USP49: variants seen among roughly 807,000 people sequenced by gnomAD.
The protein encoded by USP49 is ubiquitin specific peptidase 49.
In USP49, 24 loss-of-function variants were observed where a neutral mutation model predicts 58.6. The ratio of observed to expected loss-of-function variants is 0.41; its 90% CI spans 0.30 to 0.58. The LOEUF is 0.58. Among genes scored for constraint, USP49 ranks in the 20% least tolerant of loss-of-function variants. USP49 has a pLI of 0.30. For missense variants in USP49, 703 were observed against 866.1 expected (o/e 0.81, Z 2.36); for synonymous variants, 408 against 365.1 (o/e 1.12, Z -1.34).
chr6:41,886,634 C>A (rs376671322), intron 2 of USP49: 1 of 152,248 alleles, frequency 6.6e-6, no homozygotes, highest in African/African-American at 2.4e-5. Flanking sequence ...TGGTGGCTCA[C>A]GCCTGTAATC....
At chr6:41,892,603 AAG>A (rs1177713204) in intron 1 of USP49, among the ~76,000 whole-genome samples, 1 of 152,224 alleles carries the variant, frequency 6.6e-6, no homozygotes, top group Non-Finnish European at 1.5e-5. Flanking sequence ...TGAATGCAGA[AAG>A]AGTTTTCTAA....
At chr6:41,829,371 A>G (rs1382307434) in intron 3 of USP49, among the ~76,000 whole-genome samples, 8 of 151,504 alleles carry the variant, frequency 5.3e-5, no homozygotes, top group African/African-American at 1.9e-4. Context: ...CTGGAGTGCA[A>G]TGGCACGATC....
intron 7 of USP49, chr6:41,797,556 G>T: frequency 2.2e-6 from 2 of 905,646 alleles, no homozygotes; most frequent in Non-Finnish European, 2.6e-6. Flanking sequence ...CACTCTGGAG[G>T]ATGAGGACCT....
intron 1 of USP49, among the ~76,000 whole-genome samples, chr6:41,893,476 AGTGC>A (rs1172333555): frequency 1.3e-5 from 2 of 152,220 alleles, no homozygotes; most frequent in African/African-American, 4.8e-5. Context: ...TCCCAACAAC[AGTGC>A]GTTCTCCATT....
At chr6:41,815,416 G>A (rs187996204) in intron 3 of USP49, among the ~76,000 whole-genome samples, 9 of 150,218 alleles carry the variant, frequency 6.0e-5, no homozygotes, top group Admixed American at 4.0e-4. Context: ...GTGAGACTCC[G>A]TCTCAAAAAA....
chr6:41,817,465 T>C (rs1773377114), intron 3 of USP49, among the ~76,000 whole-genome samples: 1 of 143,098 alleles, frequency 7.0e-6, no homozygotes, highest in Non-Finnish European at 1.5e-5. Context: ...TTCTTTTTTT[T>C]TTTTTTTTTT....
intron 2 of USP49, among the ~76,000 whole-genome samples, chr6:41,880,918 A>C (rs564815020): frequency 6.6e-6 from 1 of 151,854 alleles, no homozygotes; most frequent in Non-Finnish European, 1.5e-5. Flanking sequence ...ACAGATTTTT[A>C]TTTATTTTAT....
At chr6:41,864,805 G>A (rs1017885966) in intron 3 of USP49, among the ~76,000 whole-genome samples, 8 of 152,108 alleles carry the variant, frequency 5.3e-5, no homozygotes, top group African/African-American at 1.9e-4. Context: ...CATCTAGCCA[G>A]TGAGCAAAGA....
rs543282945 is a variant in USP49, at chr6:41,867,182, C to A, written c.-29+4382G>T. ...CACATACTACAATTCCTCCTAGTTC[C>A]TATATAAATGTCAATTGTTAGTGCA... On this transcript the variant is annotated intron_variant, in intron 3 of 7. Transcript: ENST00000682992. Among the ~76,000 whole-genome samples the A allele has an allele frequency of 7.2e-5, 11 of 152,306 alleles. No homozygotes were observed. The South Asian group carries it at 1.9e-3, about 26-fold the overall frequency.
chr6:41,812,419 G>C (rs1773273769), intron 3 of USP49, among the ~76,000 whole-genome samples: 1 of 226 alleles, frequency 4.4e-3, no homozygotes, highest in South Asian at 0.028. Flanking sequence ...TACAGGCCGG[G>C]CGCAGTGCTC....
intron 3 of USP49, among the ~76,000 whole-genome samples, chr6:41,843,525 A>T (rs1040039410): frequency 6.6e-6 from 1 of 152,176 alleles, no homozygotes; most frequent in Non-Finnish European, 1.5e-5. Context: ...ACGTGCCTGT[A>T]GTCTCAACCA....
rs1490006017 is a variant in USP49 at position 41,803,420 on chromosome 6, C to G, written c.1561+386G>C. Among the ~76,000 whole-genome samples the G allele has an allele frequency of 1.3e-5, 2 of 152,230 alleles. No individual in the cohort carries two copies. Among genetic ancestry groups the G allele is most frequent in the African/African-American group, 4.8e-5 (2 of 41,452 alleles). On this transcript the variant is annotated intron_variant, in intron 5 of 7. Transcript: ENST00000682992. The surrounding 1 kb of genome is among the most constrained non-coding windows in gnomAD (Gnocchi z 4.1). Reference sequence around the variant, plus strand: ...CTGGGTTCAACCGATTCTCCTGCCTCAGCCTCCCGAGTAGCTGGGATTACA... The same window carrying G: ...CTGGGTTCAACCGATTCTCCTGCCTGAGCCTCCCGAGTAGCTGGGATTACA...
chr6:41,836,562 G>A (rs1773730459), intron 3 of USP49, among the ~76,000 whole-genome samples: 1 of 152,038 alleles, frequency 6.6e-6, no homozygotes, highest in Admixed American at 6.6e-5. Flanking sequence ...CATCCAAATA[G>A]GAAGAGAAGA....
chr6:41,794,190 C>T lies in USP49; in HGVS notation c.*2343G>A, dbSNP rs1772848134. On this transcript the variant is annotated 3_prime_UTR_variant, in exon 8 of 8. Transcript: ENST00000682992. ...CTGAGGTGTCTGTAACTGCAGTGGG[C>T]ACCTTTCACAAATGTGTAGCTCAGT... 6.6e-6 allele frequency: 1 copy of T among 152,290 alleles called. No homozygotes were observed. The allele number at this position is 152,290 out of a possible 1,614,324, so 9.4% of individuals were successfully genotyped here.
intron 7 of USP49, 111 bp from the exon 8 acceptor site, chr6:41,796,834 A>G (rs1772894350): frequency 9.6e-6 from 6 of 623,724 alleles, no homozygotes; most frequent in African/African-American, 3.7e-5. Flanking sequence ...AATAGAGCCA[A>G]CCCTCGATTA....
At chr6:41,854,695 T>C (rs1774094897) in intron 3 of USP49, among the ~76,000 whole-genome samples, 1 of 152,198 alleles carries the variant, frequency 6.6e-6, no homozygotes, top group African/African-American at 2.4e-5. Context: ...CACACACGTG[T>C]GCATTTTAAA....
chr6:41,845,466 G>A (rs1222033194), intron 3 of USP49, among the ~76,000 whole-genome samples: 1 of 151,914 alleles, frequency 6.6e-6, no homozygotes, highest in African/African-American at 2.4e-5. Context: ...GTTGTGGTAA[G>A]CTGAGATGGC....
chr6:41,863,930 G>A (rs896517531), intron 3 of USP49, among the ~76,000 whole-genome samples: 1 of 143,848 alleles, frequency 7.0e-6, no homozygotes, highest in South Asian at 2.3e-4. Context: ...GCTAATTTTT[G>A]TAATTTTTTT....
intron 3 of USP49, among the ~76,000 whole-genome samples, chr6:41,871,302 G>C (rs867715334): frequency 1.3e-5 from 2 of 152,286 alleles, no homozygotes; most frequent in Non-Finnish European, 2.9e-5. Context: ...ACCTACCCTA[G>C]ACTTGTTTCA....
Sources: gnomAD v4.1 joint callset for allele counts (sites outside exome capture counted in the v4.1 genomes callset) on GRCh38, gnomAD v4.1.1 for gene constraint, Gnocchi (gnomAD v3.1) non-coding constraint, MANE v1.5 for transcripts, NCBI Gene and HGNC (gene_info 2026-07-23, HGNC 2026-07-21) for gene names.